Variants in LLGL2 observed in about 807,000 individuals in gnomAD.
LLGL2 encodes the protein LLGL scribble cell polarity complex component 2.
Under a neutral mutation model 123.2 loss-of-function variants are expected in LLGL2, and 81 were observed. The ratio of observed to expected loss-of-function variants is 0.66; its 90% CI spans 0.55 to 0.79. The LOEUF is 0.79. LLGL2 is among the 30% of genes least tolerant of loss of function. The pLI is 0.00. For synonymous variants in LLGL2, 577 were observed against 594.1 expected (o/e 0.97, Z 0.42); for missense variants, 1,273 against 1,414.6 (o/e 0.90, Z 1.61).
At chr17:75,571,324 G>A (rs989152902) in intron 17 of LLGL2, 4 of 589,420 alleles carry the variant, frequency 6.8e-6, no homozygotes, top group Admixed American at 6.2e-5. Context: ...GCACCCTTTA[G>A]AAGCATGGCC....
intron 6 of LLGL2, among the ~76,000 whole-genome samples, chr17:75,560,385 C>T (rs552194126): frequency 1.4e-4 from 22 of 152,348 alleles, no homozygotes; most frequent in African/African-American, 5.3e-4. Context: ...CACACCAGTG[C>T]CCAGCCTCAC....
chr17:75,556,253 A>G, intron 3 of LLGL2, 110 bp downstream of exon 3: 3 of 843,724 alleles, frequency 3.6e-6, no homozygotes, highest in Non-Finnish European at 3.7e-6. Flanking sequence ...AAAATGAGGG[A>G]CTTTCCTGAT....
At chr17:75,532,899 CCCT>C in intron 1 of LLGL2, among the ~76,000 whole-genome samples, 1 of 152,346 alleles carries the variant, frequency 6.6e-6, no homozygotes, top group South Asian at 2.1e-4. Context: ...TCCCTGAGAA[CCCT>C]GTGGGGTCCT....
chr17:75,537,409 C>G (rs1405582602), intron 1 of LLGL2, among the ~76,000 whole-genome samples: 1 of 152,018 alleles, frequency 6.6e-6, no homozygotes, highest in Non-Finnish European at 1.5e-5. Flanking sequence ...TAAAATGATC[C>G]CAGGCTGGGT....
chr17:75,542,158 CAT>C (rs958747343), intron 1 of LLGL2, among the ~76,000 whole-genome samples: 1 of 152,114 alleles, frequency 6.6e-6, no homozygotes, highest in African/African-American at 2.4e-5. Context: ...GGGATCCTAT[CAT>C]ATGCAAAGTC....
chr17:75,529,665 A>C (rs2053703765), intron 1 of LLGL2, among the ~76,000 whole-genome samples: 1 of 151,964 alleles, frequency 6.6e-6, no homozygotes, highest in Non-Finnish European at 1.5e-5. Flanking sequence ...GATCGAGACC[A>C]TCCTGGCCAA....
intron 2 of LLGL2, among the ~76,000 whole-genome samples, chr17:75,555,755 G>A (rs969174956): frequency 6.6e-6 from 1 of 152,192 alleles, no homozygotes; most frequent in Non-Finnish European, 1.5e-5. Context: ...CACCCAGGGT[G>A]CACGTGGTGG....
intron 1 of LLGL2, among the ~76,000 whole-genome samples, chr17:75,541,626 G>A (rs530831020): frequency 5.1e-4 from 78 of 151,874 alleles, no homozygotes; most frequent in African/African-American, 1.8e-3. Flanking sequence ...TCCCCAGAAG[G>A]TGACAGCGCT....
chr17:75,529,899 G>A lies in LLGL2; in HGVS notation c.-31+4074G>A, dbSNP rs186889396. On this transcript the variant is annotated intron_variant, in intron 1 of 25. Transcript: ENST00000392550. The stretch of plus-strand genomic sequence containing the variant: ...AATAATTTTTAAAAAAAGATTTTTA[G>A]TGTCTTTCTAGGCTTCAGGTGTAGT... Among the ~76,000 whole-genome samples the A allele has an allele frequency of 2.7e-3, 404 of 152,270 alleles. 3 individuals carry two copies. The highest frequency in any genetic ancestry group is 9.1e-3 in the African/African-American group (378 of 41,564).
At chr17:75,553,750 C>G (rs551323351) in intron 2 of LLGL2, among the ~76,000 whole-genome samples, 2 of 152,234 alleles carry the variant, frequency 1.3e-5, no homozygotes, top group South Asian at 2.1e-4. Flanking sequence ...AGAAACTGAA[C>G]TAAAAACCTT....
chr17:75,553,333 C>A (rs2054761223), intron 2 of LLGL2, among the ~76,000 whole-genome samples: 1 of 152,208 alleles, frequency 6.6e-6, no homozygotes, highest in Non-Finnish European at 1.5e-5. Context: ...CCGTCTCCCC[C>A]GACCTTTTTG....
Position 75,568,678 on chromosome 17 carries a change from A to C in LLGL2, c.1239A>C (p.Ala413=). Residue 413 remains alanine (A), a synonymous_variant, in exon 11 of 26, where the codon GCA becomes GCC. Transcript: ENST00000392550. ...RIIAAGSRQN[A]HFSTMEWPID... ...TTGCCGCCGGCAGCCGGCAGAACGCACACTTCTCCACCATGGTAGGTCTGG... is the reference window on the plus strand; with the variant it reads ...TTGCCGCCGGCAGCCGGCAGAACGCCCACTTCTCCACCATGGTAGGTCTGG... 6.2e-7 allele frequency: 1 copy of C among 1,613,546 alleles called. No homozygotes were observed. Among genetic ancestry groups the C allele is most frequent in the African/African-American group, 1.3e-5 (1 of 74,918 alleles).
At chr17:75,528,202 T>G (rs1476712059) in intron 1 of LLGL2, among the ~76,000 whole-genome samples, 3 of 151,952 alleles carry the variant, frequency 2.0e-5, no homozygotes, top group Non-Finnish European at 4.4e-5. Context: ...TGCAAGCTCC[T>G]CCTCCTGGGT....
intron 2 of LLGL2, among the ~76,000 whole-genome samples, chr17:75,545,616 A>T (rs1459660533): frequency 6.6e-6 from 1 of 152,182 alleles, no homozygotes; most frequent in African/African-American, 2.4e-5. Flanking sequence ...GCTGTGAAGC[A>T]GGGAGGCTGC....
In LLGL2 at chr17:75,573,547, C is replaced by T. The variant is rs749212547; in HGVS notation, c.2792C>T (p.Pro931Leu). Residue 931 changes from proline to leucine, a missense_variant, in exon 21 of 26, where the codon CCC (proline) becomes CTC (leucine). Coordinates refer to ENST00000392550, the MANE Select transcript of LLGL2 (RefSeq NM_001031803.2). ...CTCTCCACCAAGTGGCTGGTGGAGC[C>T]CCGGTGTCTGGTGGATTCAGCAGAA... is the stretch of plus-strand genomic sequence containing the variant. ...FSLSTKWLVE[P>L]RCLVDSAETK... 6.2e-7 allele frequency: 1 copy of T among 1,612,892 alleles called. No individual in the cohort carries two copies. Among genetic ancestry groups the T allele is most frequent in the African/African-American group, 1.3e-5 (1 of 75,032 alleles).
chr17:75,530,800 G>A (rs138298902), intron 1 of LLGL2, among the ~76,000 whole-genome samples: 1 of 152,156 alleles, frequency 6.6e-6, no homozygotes, highest in Non-Finnish European at 1.5e-5. Flanking sequence ...GACAGAGTGA[G>A]ACTCTAACTC....
chr17:75,548,713 G>A (rs1371410564), intron 2 of LLGL2, among the ~76,000 whole-genome samples: 13 of 149,812 alleles, frequency 8.7e-5, no homozygotes, highest in African/African-American at 2.7e-4. Flanking sequence ...CCAAGATCGC[G>A]CCATTGCACT....
chr17:75,557,870 C>T, intron 3 of LLGL2: 1 of 468,776 alleles, frequency 2.1e-6, no homozygotes, highest in Non-Finnish European at 4.0e-6. Flanking sequence ...ATCAGGGTGG[C>T]AGCCTGACAG....
chr17:75,525,491 C>T (rs979098768), upstream of LLGL2, among the ~76,000 whole-genome samples: 11 of 151,580 alleles, frequency 7.3e-5, no homozygotes, highest in Non-Finnish European at 1.2e-4. This position sits in a 1 kb window ranked among gnomAD's most constrained non-coding sequence, Gnocchi z 4.8. Context: ...CAGGTGAGGC[C>T]GGGGCGGGCC....
Sources: allele counts gnomAD v4.1 joint callset (sites outside exome capture counted in the v4.1 genomes callset), GRCh38; gene constraint gnomAD v4.1.1; non-coding constraint Gnocchi (gnomAD v3.1); transcripts MANE v1.5; gene names NCBI Gene and HGNC (gene_info 2026-07-23, HGNC 2026-07-21).